METTL27: variants seen among roughly 807,000 people sequenced by gnomAD.
The protein encoded by METTL27 is methyltransferase-like protein 27.
Under a neutral mutation model 24.5 loss-of-function variants are expected in METTL27, and 29 were observed. The ratio of observed to expected loss-of-function variants is 1.18; its 90% CI spans 0.88 to 1.61. The LOEUF is 1.61. Ranked by LOEUF, METTL27 falls within the 40% of genes most tolerant of loss-of-function variation. The pLI is 0.00. For missense variants in METTL27, 341 were observed against 324.3 expected (o/e 1.05, Z -0.40); for synonymous variants, 138 against 146.8 (o/e 0.94, Z 0.43).
intron 5 of METTL27, among the ~76,000 whole-genome samples, chr7:73,837,852 C>G (rs1372852235): frequency 2.6e-5 from 4 of 151,744 alleles, no homozygotes; most frequent in Admixed American, 2.6e-4. Context: ...CCCACCCCCC[C>G]TTTTTTTTCT....
At chr7:73,838,813 C>G (rs13247441) in intron 5 of METTL27, among the ~76,000 whole-genome samples, 98,761 of 151,858 alleles carry the variant, frequency 0.65, 32,832 homozygotes, top group Non-Finnish European at 0.74. Flanking sequence ...TTAGCCACAG[C>G]CTCTGCTGGG....
Position 73,841,691 on chromosome 7 carries a change from T to C in METTL27, c.123+327A>G, listed in dbSNP as rs1397190672. On this transcript the variant is annotated intron_variant, in intron 2 of 5. Transcript: ENST00000297873. ...CAGGGTTGCACCATGCTGGCCAGGC[T>C]GGTCTCGAACTCCTGACCTCAGGTG... Among the ~76,000 whole-genome samples the C allele has an allele frequency of 3.9e-5, 6 of 152,274 alleles. No homozygotes were observed. The East Asian group carries it at 1.2e-3, about 29-fold the overall frequency.
intron 5 of METTL27, among the ~76,000 whole-genome samples, chr7:73,836,329 G>C (rs1445157900): frequency 7.3e-6 from 1 of 136,644 alleles, no homozygotes; most frequent in Non-Finnish European, 1.6e-5. Flanking sequence ...GGTGAGGGGC[G>C]CCTCTGCCCG....
At chr7:73,840,321 TG>T in intron 4 of METTL27, 92 bp downstream of exon 4, 1 of 1,532,428 alleles carries the variant, frequency 6.5e-7, no homozygotes. Flanking sequence ...AGTGAGGGAC[TG>T]GGAGCTTAGT....
chr7:73,835,691 G>A (rs1333322353), intron 5 of METTL27, among the ~76,000 whole-genome samples: 4 of 132,580 alleles, frequency 3.0e-5, no homozygotes, highest in African/African-American at 8.1e-5. Flanking sequence ...GGGATGTGAG[G>A]AGCCCCTCTG....
rs1214738221 is a variant in METTL27 at position 73,834,612 on chromosome 7, G to A, written c.*131C>T. 4.1e-6 allele frequency: 3 copies of A among 739,146 alleles called. No individual in the cohort carries two copies. Among genetic ancestry groups the A allele is most frequent in the African/African-American group, 1.8e-5 (1 of 56,678 alleles). 45.8% of individuals were successfully genotyped at this position (739,146 alleles called of 1,614,324 possible). A position where few individuals can be genotyped will look rare whatever the true frequency, so the allele number is the denominator to read the frequency against. ...CTGTTTTCTGGGAGCTCATTTAATA[G>A]GCAGGGCATTTCTGAGGGGCAGGGT... is the stretch of plus-strand genomic sequence containing the variant. On this transcript the variant is annotated 3_prime_UTR_variant, in exon 6 of 6. Transcript: ENST00000297873.
chr7:73,841,931 C>A, intron 2 of METTL27, 87 bp downstream of exon 2: 1 of 1,604,708 alleles, frequency 6.2e-7, no homozygotes, highest in Non-Finnish European at 8.5e-7. Context: ...TCCTCACAGC[C>A]GCCCCCGGGT....
In METTL27 at chr7:73,841,194, A is replaced by G; in HGVS notation, c.128T>C (p.Val43Ala). The change falls in exon 3 of 6, where the codon GTG (valine) becomes GCG (alanine). Residue 43 changes from valine (V) to alanine (A), a missense_variant. Coordinates refer to ENST00000297873, the MANE Select transcript of METTL27 (RefSeq NM_152559.3). ...GGGCGCACGGTACAGCAGGGTGGCCACATCCTGGGGAAAGAGTGCCGGGCC... is the reference window on the plus strand; with the variant it reads ...GGGCGCACGGTACAGCAGGGTGGCCGCATCCTGGGGAAAGAGTGCCGGGCC... ...DRWAPDYDQD[V>A]ATLLYRAPRL... 1 of 1,557,036 alleles carries G rather than the reference A, an allele frequency of 6.4e-7. No individual in the cohort carries two copies. Among genetic ancestry groups the G allele is most frequent in the South Asian group, 1.2e-5 (1 of 81,894 alleles).
At chr7:73,837,798 G>C (rs1554635598) in intron 5 of METTL27, among the ~76,000 whole-genome samples, 1 of 152,056 alleles carries the variant, frequency 6.6e-6, no homozygotes, top group Non-Finnish European at 1.5e-5. Flanking sequence ...TTGACCTCAG[G>C]TGATCTGCCC....
At chr7:73,840,173 T>G in intron 4 of METTL27, 53 bp from the exon 5 acceptor site, 1 of 1,558,276 alleles carries the variant, frequency 6.4e-7, no homozygotes, top group Non-Finnish European at 8.7e-7. Flanking sequence ...GGAAGGTACT[T>G]TGTCTATGGT....
intron 5 of METTL27, 68 bp downstream of exon 5, chr7:73,839,963 C>G (rs1400522996): frequency 2.1e-6 from 3 of 1,434,798 alleles, no homozygotes; most frequent in Non-Finnish European, 2.9e-6. Context: ...GGGCCTGTGT[C>G]TGCACTATGC....
At chr7:73,837,435 G>T (rs1485678766) in intron 5 of METTL27, among the ~76,000 whole-genome samples, 8 of 136,232 alleles carry the variant, frequency 5.9e-5, no homozygotes, top group African/African-American at 2.2e-4. Flanking sequence ...TGTTACTGTG[G>T]AAACAAAAAG....
chr7:73,842,237 C>G lies in METTL27; in HGVS notation c.-4-93G>C, dbSNP rs1248478664. 14 of 1,494,092 alleles carry G rather than the reference C, an allele frequency of 9.4e-6. No individual in the cohort carries two copies. The Middle Eastern group carries it at 1.5e-3, about 160-fold the overall frequency. The allele number at this position is 1,494,092 out of a possible 1,614,324, so 92.6% of individuals were successfully genotyped here. ...CTCCTCCCCCTTCAGAGGAGGCTGCCAGGCCTCCTGCCAGCGCGACCCCTA... is the reference window on the plus strand; with the variant it reads ...CTCCTCCCCCTTCAGAGGAGGCTGCGAGGCCTCCTGCCAGCGCGACCCCTA... On this transcript the variant is annotated intron_variant, in intron 1 of 5. Coordinates refer to ENST00000297873, the MANE Select transcript of METTL27 (RefSeq NM_152559.3).
At chr7:73,839,732 G>C (rs1418400646) in intron 5 of METTL27, 1 of 376,660 alleles carries the variant, frequency 2.7e-6, no homozygotes, top group African/African-American at 2.1e-5. Flanking sequence ...AGTCCTACGG[G>C]GACTGGATTG....
In METTL27 at chr7:73,834,720, AGCTGGGG is replaced by A. The variant is rs782290369; in HGVS notation, c.*16_*22del. On this transcript the variant is annotated 3_prime_UTR_variant, in exon 6 of 6. Coordinates refer to ENST00000297873, the MANE Select transcript of METTL27 (RefSeq NM_152559.3). ...CTAAGGCCACATGGAGTCAGGGGCC[AGCTGGGG>A]GCTGGGGGCTGGATCTCACTTCCTC... 2.5e-5 allele frequency: 40 copies of A among 1,605,016 alleles called. No individual in the cohort carries two copies. Among genetic ancestry groups the A allele is most frequent in the Non-Finnish European group, 2.9e-5 (34 of 1,174,948 alleles).
At chr7:73,836,437 C>G (rs1364228621) in intron 5 of METTL27, among the ~76,000 whole-genome samples, 1 of 143,788 alleles carries the variant, frequency 7.0e-6, no homozygotes, top group Admixed American at 6.8e-5. Context: ...CCAGCCGCCC[C>G]GTCCGGGAGG....
intron 5 of METTL27, among the ~76,000 whole-genome samples, chr7:73,837,933 T>G (rs1788253234): frequency 6.6e-6 from 1 of 151,694 alleles, no homozygotes. Flanking sequence ...GACTGTAGCC[T>G]CCAACTCACG....
chr7:73,835,776 C>A (rs1788157401), intron 5 of METTL27, among the ~76,000 whole-genome samples: 2 of 87,646 alleles, frequency 2.3e-5, no homozygotes, highest in Non-Finnish European at 2.9e-5. Context: ...AGGAGCACCT[C>A]TGCCCGGCCG....
rs782145019 is a variant in METTL27 at position 73,841,174 on chromosome 7, C to G, written c.148G>C (p.Ala50Pro). ...DQDVATLLYR[A>P]PRLAVDCLTQ... ...AGGCAGTCCACTGCGAGGCGGGGCG[C>G]ACGGTACAGCAGGGTGGCCACATCC... is the stretch of plus-strand genomic sequence containing the variant. Residue 50 changes from alanine to proline, a missense_variant, in exon 3 of 6, where the codon GCG becomes CCG. By Grantham distance (27) the Ala-to-Pro change is conservative (BLOSUM62 -1). Coordinates refer to ENST00000297873, the MANE Select transcript of METTL27 (RefSeq NM_152559.3). 16 of 1,553,298 alleles carry G rather than the reference C, an allele frequency of 1.0e-5. No individual in the cohort carries two copies. Among genetic ancestry groups the G allele is most frequent in the Non-Finnish European group, 1.4e-5 (16 of 1,158,158 alleles).
Sources: gnomAD v4.1 joint callset for allele counts (sites outside exome capture counted in the v4.1 genomes callset) on GRCh38, gnomAD v4.1.1 for gene constraint, MANE v1.5 for transcripts, NCBI Gene and HGNC (gene_info 2026-07-23, HGNC 2026-07-21) for gene names.